HS6ST3: variants seen among roughly 807,000 people sequenced by gnomAD.
The protein encoded by HS6ST3 is heparan-sulfate 6-O-sulfotransferase 3.
HS6ST3 carries 12 observed loss-of-function variants against 36.7 expected under a neutral mutation model. The ratio of observed to expected loss-of-function variants is 0.33; its 90% CI spans 0.21 to 0.53. HS6ST3 has a LOEUF of 0.53. Ranked by LOEUF, HS6ST3 falls within the 20% of genes least tolerant of loss-of-function variation. HS6ST3 has a pLI of 0.95. For synonymous variants in HS6ST3, 240 were observed against 257.5 expected (o/e 0.93, Z 0.65); for missense variants, 584 against 640.9 (o/e 0.91, Z 0.96).
intron 1 of HS6ST3, among the ~76,000 whole-genome samples, chr13:96,782,950 C>G (rs1401551839): frequency 2.0e-5 from 3 of 152,048 alleles, no homozygotes; most frequent in Non-Finnish European, 4.4e-5. Context: ...AAGATAAACT[C>G]TGAGAGGCCA....
intron 1 of HS6ST3, among the ~76,000 whole-genome samples, chr13:96,460,522 A>G (rs2055779024): frequency 6.6e-6 from 1 of 152,198 alleles, no homozygotes; most frequent in African/African-American, 2.4e-5. Flanking sequence ...TGGAAGTATC[A>G]TGGTGTTTTC....
At position 96,613,285 on chromosome 13, in the gene HS6ST3, A is replaced by C. The variant is rs991248115; in HGVS notation, c.708-219205A>C. On this transcript the variant is annotated intron_variant, in intron 1 of 1. Coordinates refer to ENST00000376705, the MANE Select transcript of HS6ST3 (RefSeq NM_153456.4). ...ACTCATTTAATATGCATAACCACCT[A>C]TGCCATAGGTGGTAACATTTCCATT... Among the ~76,000 whole-genome samples, 3 of 152,204 alleles carry C rather than the reference A, an allele frequency of 2.0e-5. No homozygotes were observed. The East Asian group carries it at 5.8e-4, about 29-fold the overall frequency.
chr13:96,786,921 C>A (rs1877667317), intron 1 of HS6ST3, among the ~76,000 whole-genome samples: 1 of 152,050 alleles, frequency 6.6e-6, no homozygotes. Context: ...AACCACTGAT[C>A]TGTTCTCCAT....
chr13:96,475,612 C>CAAAAAAA (rs1251970502), intron 1 of HS6ST3, among the ~76,000 whole-genome samples: 5 of 91,566 alleles, frequency 5.5e-5, no homozygotes, highest in African/African-American at 1.9e-4. Flanking sequence ...GGAGTACTAC[C>CAAAAAAA]AAAAAAAAAA....
chr13:96,388,059 A>C (rs2147689), intron 1 of HS6ST3, among the ~76,000 whole-genome samples: 132,010 of 152,216 alleles, frequency 0.87, 57,557 homozygotes, highest in South Asian at 0.91. Flanking sequence ...TTTGCCTGGA[A>C]TTCCATAGAT....
intron 1 of HS6ST3, among the ~76,000 whole-genome samples, chr13:96,677,031 A>G (rs1308681465): frequency 6.6e-6 from 1 of 152,108 alleles, no homozygotes; most frequent in African/African-American, 2.4e-5. Flanking sequence ...CTACATAAAG[A>G]TGTGTGCAGC....
chr13:96,494,757 C>A (rs1249434627), intron 1 of HS6ST3, among the ~76,000 whole-genome samples: 1 of 152,030 alleles, frequency 6.6e-6, no homozygotes, highest in Non-Finnish European at 1.5e-5. Context: ...TATGCTGGTT[C>A]AACCCCATTA....
intron 1 of HS6ST3, among the ~76,000 whole-genome samples, chr13:96,453,236 G>A (rs1051801985): frequency 2.7e-5 from 4 of 150,916 alleles, no homozygotes; most frequent in African/African-American, 9.7e-5. Context: ...TTCTTGCTAC[G>A]TGGATATATT....
intron 1 of HS6ST3, among the ~76,000 whole-genome samples, chr13:96,528,747 T>C (rs2056124406): frequency 1.3e-5 from 2 of 152,176 alleles, no homozygotes; most frequent in African/African-American, 4.8e-5. Flanking sequence ...TCCCCAATTA[T>C]CTGAAAATAC....
chr13:96,822,729 C>G (rs1878563585), intron 1 of HS6ST3, among the ~76,000 whole-genome samples: 1 of 152,090 alleles, frequency 6.6e-6, no homozygotes, highest in Non-Finnish European at 1.5e-5. Flanking sequence ...TGTGTCTTCC[C>G]ATAATTAAAG....
At chr13:96,127,721 A>C (rs754888649) in intron 1 of HS6ST3, among the ~76,000 whole-genome samples, 7 of 152,122 alleles carry the variant, frequency 4.6e-5, no homozygotes, top group Non-Finnish European at 1.0e-4. Context: ...TGTTATTTAG[A>C]TATATGTCCT....
intron 1 of HS6ST3, among the ~76,000 whole-genome samples, chr13:96,804,982 G>C (rs967676007): frequency 6.6e-6 from 1 of 152,142 alleles, no homozygotes; most frequent in Non-Finnish European, 1.5e-5. Flanking sequence ...ACCTATATCT[G>C]AAAGTGTGAC....
chr13:96,155,123 C>A (rs1192582838), intron 1 of HS6ST3, among the ~76,000 whole-genome samples: 1 of 151,990 alleles, frequency 6.6e-6, no homozygotes, highest in Non-Finnish European at 1.5e-5. Context: ...AGACCATGTA[C>A]CCACTTGAAA....
chr13:96,451,874 T>A (rs1252740274), intron 1 of HS6ST3, among the ~76,000 whole-genome samples: 1 of 152,204 alleles, frequency 6.6e-6, no homozygotes, highest in Non-Finnish European at 1.5e-5. Flanking sequence ...CTAAATGAAT[T>A]CCTGACATTT....
intron 1 of HS6ST3, among the ~76,000 whole-genome samples, chr13:96,138,988 C>A (rs2054016226): frequency 6.6e-6 from 1 of 151,776 alleles, no homozygotes; most frequent in Admixed American, 6.6e-5. Flanking sequence ...TTAGTAAAAT[C>A]AGAATACATT....
intron 1 of HS6ST3, among the ~76,000 whole-genome samples, chr13:96,650,919 T>C (rs72643877): frequency 0.011 from 1,607 of 152,254 alleles, 17 homozygotes; most frequent in African/African-American, 0.024. Flanking sequence ...TAGTCTGTGA[T>C]ACTACATCAC....
intron 1 of HS6ST3, among the ~76,000 whole-genome samples, chr13:96,121,171 A>G (rs988827573): frequency 7.9e-5 from 12 of 152,242 alleles, no homozygotes; most frequent in African/African-American, 2.7e-4. Flanking sequence ...AAGGTTTTAG[A>G]AATGCCTTCC....
intron 1 of HS6ST3, among the ~76,000 whole-genome samples, chr13:96,567,336 T>C (rs1359751866): frequency 6.6e-6 from 1 of 152,130 alleles, no homozygotes; most frequent in Non-Finnish European, 1.5e-5. Flanking sequence ...TAGAAAATAA[T>C]GAGTTACCAG....
chr13:96,263,519 T>C (rs1321091730), intron 1 of HS6ST3, among the ~76,000 whole-genome samples: 8 of 152,206 alleles, frequency 5.3e-5, no homozygotes, highest in African/African-American at 1.9e-4. Context: ...TTGAAAATAA[T>C]GATGTGTTTG....
Sources: allele counts gnomAD v4.1 joint callset (sites outside exome capture counted in the v4.1 genomes callset), GRCh38; gene constraint gnomAD v4.1.1; transcripts MANE v1.5; gene names NCBI Gene and HGNC (gene_info 2026-07-23, HGNC 2026-07-21).